RETREG1: variants seen among roughly 807,000 people sequenced by gnomAD.
RETREG1 encodes family with sequence similarity 134 member B.
Under a neutral mutation model 54.8 loss-of-function variants are expected in RETREG1, and 44 were observed. The ratio of observed to expected loss-of-function variants is 0.80; its 90% CI spans 0.63 to 1.03. The LOEUF (loss-of-function observed/expected upper bound fraction) is 1.03, where lower values mean the gene tolerates loss of function less well. Ranked by LOEUF, RETREG1 falls within the 50% of genes least tolerant of loss-of-function variation. The probability of loss-of-function intolerance (pLI) is 0.00; values close to 1 mark genes in which losing one functional copy is unlikely to be tolerated. For missense variants in RETREG1, 554 were observed against 605.1 expected, an observed-to-expected ratio of 0.92 and a Z score of 0.89; for synonymous variants, 217 against 238.5, an observed-to-expected ratio of 0.91 and a Z score of 0.83.
intron 3 of RETREG1, among the ~76,000 whole-genome samples, chr5:16,553,038 T>C (rs1349472288): frequency 6.6e-6 from 1 of 152,216 alleles, no homozygotes. Context: ...CTTGTATTGG[T>C]ATAAATTTTA....
At chr5:16,587,971 C>G (rs1314923721) in intron 1 of RETREG1, among the ~76,000 whole-genome samples, 1 of 152,162 alleles carries the variant, frequency 6.6e-6, no homozygotes, top group Non-Finnish European at 1.5e-5. Flanking sequence ...CAGACACATA[C>G]AGTGGACTGT....
chr5:16,526,189 G>C (rs1020836137), intron 3 of RETREG1, among the ~76,000 whole-genome samples: 1 of 152,234 alleles, frequency 6.6e-6, no homozygotes, highest in Admixed American at 6.5e-5. Context: ...GGTATCAAAT[G>C]GCTCAGGGAG....
chr5:16,567,004 T>C (rs1742030143), intron 2 of RETREG1, among the ~76,000 whole-genome samples: 1 of 152,214 alleles, frequency 6.6e-6, no homozygotes, highest in Non-Finnish European at 1.5e-5. Context: ...AGAAAGTAGA[T>C]GATGGTATAG....
At chr5:16,570,281 C>A (rs74412275) in intron 2 of RETREG1, among the ~76,000 whole-genome samples, 1,575 of 152,216 alleles carry the variant, frequency 0.01, 31 homozygotes, top group African/African-American at 0.036. Flanking sequence ...AGGTTTCCTG[C>A]AATTTGTGAG....
chr5:16,616,670 GCGACGAAGC>G lies in RETREG1; in HGVS notation c.293_301del (p.Gly98_Val100del). ...CTCTCACCAGAACAGCAGGTTGGCAGCGACGAAGCCGAGCAGGCTCCGCAGCGGCCTCTT... is the reference window on the plus strand; with the variant it reads ...CTCTCACCAGAACAGCAGGTTGGCAGCGAGCAGGCTCCGCAGCGGCCTCTT... On this transcript the variant is annotated inframe_deletion, in exon 1 of 9. Transcript: ENST00000306320. 1 of 1,596,140 alleles carries G rather than the reference GCGACGAAGC, an allele frequency of 6.3e-7. No individual in the cohort carries two copies. Among genetic ancestry groups the G allele is most frequent in the Non-Finnish European group, 8.5e-7 (1 of 1,177,284 alleles).
At chr5:16,566,208 G>C (rs1020280972) in intron 2 of RETREG1, among the ~76,000 whole-genome samples, 4 of 152,190 alleles carry the variant, frequency 2.6e-5, no homozygotes, top group Admixed American at 1.3e-4. Flanking sequence ...TGCTCAAAAA[G>C]CGCCAATAAT....
intron 3 of RETREG1, among the ~76,000 whole-genome samples, chr5:16,514,233 AT>A (rs754092286): frequency 7.5e-4 from 114 of 152,288 alleles, no homozygotes; most frequent in Middle Eastern, 3.4e-3. Context: ...TCTAGGAGCC[AT>A]CTCCCTCCCA....
chr5:16,476,170 A>T lies in RETREG1; in HGVS notation c.1001-936T>A, dbSNP rs537436774. On this transcript the variant is annotated intron_variant, in intron 8 of 8. Coordinates refer to ENST00000306320, the MANE Select transcript of RETREG1 (RefSeq NM_001034850.3). ...AATTGAGATCCACAAAAATTATGTC[A>T]CCCGTTCAAGGTCATAAAGTTAGGT... 5.3e-5 allele frequency among the ~76,000 whole-genome samples: 8 copies of T among 152,220 alleles called. No homozygotes were observed. The East Asian group carries it at 1.5e-3, about 29-fold the overall frequency.
chr5:16,483,919 TAGG>T (rs984879107), intron 3 of RETREG1, among the ~76,000 whole-genome samples: 2 of 151,878 alleles, frequency 1.3e-5, no homozygotes, highest in African/African-American at 2.4e-5. Context: ...GCTGGAGGGG[TAGG>T]AGGAGACTAG....
chr5:16,508,851 T>C, intron 3 of RETREG1: 1 of 1,402,554 alleles, frequency 7.1e-7, no homozygotes, highest in Non-Finnish European at 9.3e-7. Flanking sequence ...TGGGTTATTA[T>C]CACTGCCCCC....
At chr5:16,491,488 T>G (rs552089225) in intron 3 of RETREG1, among the ~76,000 whole-genome samples, 274 of 152,274 alleles carry the variant, frequency 1.8e-3, no homozygotes, top group Non-Finnish European at 2.9e-3. Context: ...GAAGAAAATA[T>G]CAAAAATAAT....
intron 3 of RETREG1, among the ~76,000 whole-genome samples, chr5:16,517,667 G>A (rs1041588241): frequency 2.6e-5 from 4 of 152,084 alleles, no homozygotes; most frequent in Non-Finnish European, 5.9e-5. Flanking sequence ...ATCATCTGTT[G>A]CTGAGGTGAG....
At chr5:16,502,799 T>G (rs979785784) in intron 3 of RETREG1, among the ~76,000 whole-genome samples, 28 of 152,332 alleles carry the variant, frequency 1.8e-4, no homozygotes, top group Middle Eastern at 6.8e-3. Context: ...TGTACCAGAC[T>G]TGCCCTCAGG....
At position 16,473,318 on chromosome 5, in the gene RETREG1, G is replaced by T. The variant is rs1403485169; in HGVS notation, c.*1423C>A. 1.3e-5 allele frequency: 2 copies of T among 152,226 alleles called. No homozygotes were observed. The highest frequency in any genetic ancestry group is 2.1e-4 in the South Asian group (1 of 4,822). The allele number at this position is 152,226 out of a possible 1,614,324, so 9.4% of individuals were successfully genotyped here. Reference sequence around the variant, plus strand: ...AGTAACTCTTCTCCCTTTAACATTTGGCAAAACTCAGTCCAGATATTTTAA... The same window carrying T: ...AGTAACTCTTCTCCCTTTAACATTTTGCAAAACTCAGTCCAGATATTTTAA... On this transcript the variant is annotated 3_prime_UTR_variant, in exon 9 of 9. Coordinates refer to ENST00000306320, the MANE Select transcript of RETREG1 (RefSeq NM_001034850.3).
chr5:16,488,417 C>T (rs1304027534), intron 3 of RETREG1, among the ~76,000 whole-genome samples: 1 of 152,110 alleles, frequency 6.6e-6, no homozygotes, highest in Non-Finnish European at 1.5e-5. Context: ...CTGGCAACTC[C>T]CTGAGTTGAG....
intron 1 of RETREG1, among the ~76,000 whole-genome samples, chr5:16,586,573 C>T (rs961515592): frequency 6.6e-6 from 1 of 152,184 alleles, no homozygotes; most frequent in African/African-American, 2.4e-5. Context: ...CAGGAACCTA[C>T]ATGCTAACAG....
At chr5:16,495,587 G>A (rs1424694313) in intron 3 of RETREG1, among the ~76,000 whole-genome samples, 1 of 152,198 alleles carries the variant, frequency 6.6e-6, no homozygotes, top group Non-Finnish European at 1.5e-5. Flanking sequence ...TTCAGAGGGT[G>A]CAAGCCATAA....
chr5:16,532,361 C>T (rs1452751551), intron 3 of RETREG1, among the ~76,000 whole-genome samples: 1 of 152,164 alleles, frequency 6.6e-6, no homozygotes, highest in Non-Finnish European at 1.5e-5. Flanking sequence ...CCTGTCTCTA[C>T]TAAAAATGCA....
At chr5:16,576,186 C>T (rs1742311675) in intron 1 of RETREG1, among the ~76,000 whole-genome samples, 1 of 152,176 alleles carries the variant, frequency 6.6e-6, no homozygotes, top group Admixed American at 6.5e-5. Flanking sequence ...TATTCCCACC[C>T]ACTAAGCTCA....
Sources: allele counts gnomAD v4.1 joint callset (sites outside exome capture counted in the v4.1 genomes callset), GRCh38; gene constraint gnomAD v4.1.1; transcripts MANE v1.5; gene names NCBI Gene and HGNC (gene_info 2026-07-23, HGNC 2026-07-21).